Variants in TBC1D22A observed in about 807,000 individuals in gnomAD.
TBC1D22A encodes putative GTPase activator.
Under a neutral mutation model 60.2 loss-of-function variants are expected in TBC1D22A, and 38 were observed. That is an observed-to-expected ratio of 0.63 (90% CI 0.49 to 0.83). The LOEUF is 0.83. Ranked by LOEUF, TBC1D22A falls within the 40% of genes least tolerant of loss-of-function variation. The probability of loss-of-function intolerance (pLI) is 0.00; values close to 1 mark genes in which losing one functional copy is unlikely to be tolerated. For missense variants in TBC1D22A, 628 were observed against 701.0 expected, an observed-to-expected ratio of 0.90 and a Z score of 1.18; for synonymous variants, 302 against 281.7, an observed-to-expected ratio of 1.07 and a Z score of -0.72.
At chr22:47,043,718 T>C (rs1159763554) in intron 11 of TBC1D22A, among the ~76,000 whole-genome samples, 1 of 152,040 alleles carries the variant, frequency 6.6e-6, no homozygotes, top group Non-Finnish European at 1.5e-5. Context: ...CCATAGGGCA[T>C]AGAGCAGGTG....
intron 12 of TBC1D22A, among the ~76,000 whole-genome samples, chr22:47,125,730 CAA>C (rs2066428870): frequency 6.6e-6 from 1 of 152,226 alleles, no homozygotes; most frequent in African/African-American, 2.4e-5. Flanking sequence ...GGCCACTCTG[CAA>C]GAACTTCCCA....
chr22:46,857,691 A>C (rs1225206558), intron 4 of TBC1D22A, among the ~76,000 whole-genome samples: 1 of 151,642 alleles, frequency 6.6e-6, no homozygotes, highest in Non-Finnish European at 1.5e-5. Flanking sequence ...GGCAACCAGG[A>C]ATCTGCTTTC....
intron 4 of TBC1D22A, among the ~76,000 whole-genome samples, chr22:46,829,709 G>A (rs11913536): frequency 0.31 from 46,498 of 152,104 alleles, 7,262 homozygotes; most frequent in South Asian, 0.44. Flanking sequence ...TGGGGCCAGC[G>A]GCGTTTCTAT....
chr22:47,141,827 A>G (rs1358125817), intron 12 of TBC1D22A, among the ~76,000 whole-genome samples: 1 of 152,270 alleles, frequency 6.6e-6, no homozygotes, highest in Admixed American at 6.5e-5. Flanking sequence ...TAAACACTAC[A>G]GTTTTTTAAT....
chr22:47,065,668 G>A (rs1453809784), intron 11 of TBC1D22A, among the ~76,000 whole-genome samples: 4 of 44,436 alleles, frequency 9.0e-5, no homozygotes, highest in Non-Finnish European at 1.5e-4. Flanking sequence ...GGAGACCTGC[G>A]TGAGTCACAT....
At chr22:47,136,634 A>G (rs1255299344) in intron 12 of TBC1D22A, among the ~76,000 whole-genome samples, 1 of 149,980 alleles carries the variant, frequency 6.7e-6, no homozygotes, top group East Asian at 2.0e-4. Context: ...GAGCCCGGGC[A>G]ATCAGGGGTC....
chr22:47,089,282 GA>G (rs2064822307), intron 11 of TBC1D22A, among the ~76,000 whole-genome samples: 1 of 152,216 alleles, frequency 6.6e-6, no homozygotes, highest in South Asian at 2.1e-4. Flanking sequence ...TTGTCTCTGA[GA>G]GAAGCTGTGA....
chr22:47,026,766 C>G (rs2062270412), intron 10 of TBC1D22A, among the ~76,000 whole-genome samples: 1 of 152,148 alleles, frequency 6.6e-6, no homozygotes, highest in African/African-American at 2.4e-5. Flanking sequence ...ATGACCTAAT[C>G]ATGTTCAGAG....
intron 8 of TBC1D22A, among the ~76,000 whole-genome samples, chr22:46,951,677 G>A (rs189856067): frequency 1.4e-4 from 21 of 152,366 alleles, no homozygotes; most frequent in Admixed American, 7.8e-4. Context: ...TAAAGTGGAC[G>A]AGTGTCTCAG....
chr22:47,130,450 A>G (rs1010063614), intron 12 of TBC1D22A, among the ~76,000 whole-genome samples: 1 of 152,148 alleles, frequency 6.6e-6, no homozygotes, highest in Admixed American at 6.5e-5. Context: ...CTTGAGATCT[A>G]CATGTCTGGA....
rs2067305580 is a variant in TBC1D22A, at chr22:47,146,927, A to C, written c.1426-26571A>C. Among the ~76,000 whole-genome samples, 3 of 152,220 alleles carry C rather than the reference A, an allele frequency of 2.0e-5. No homozygotes were observed. In the South Asian group the frequency reaches 6.2e-4, roughly 32 times the overall value. ...TTTGGATGACACACATTCATTCATT[A>C]ATTCACCCGTTCATTTGAAAAATAC... On this transcript the variant is annotated intron_variant, in intron 12 of 12. Coordinates refer to ENST00000337137, the MANE Select transcript of TBC1D22A (RefSeq NM_014346.5).
chr22:46,807,569 G>A (rs1271554789), intron 4 of TBC1D22A, among the ~76,000 whole-genome samples: 1 of 152,164 alleles, frequency 6.6e-6, no homozygotes, highest in Non-Finnish European at 1.5e-5. Context: ...AGTGACCAGT[G>A]TTTATCCAGC....
At chr22:46,794,389 C>T (rs1005858041) in intron 3 of TBC1D22A, among the ~76,000 whole-genome samples, 5 of 152,222 alleles carry the variant, frequency 3.3e-5, no homozygotes, top group East Asian at 1.9e-4. Context: ...CTGACCCCCT[C>T]GGGTGGGGTC....
At position 47,133,313 on chromosome 22, in the gene TBC1D22A, C is replaced by T. The variant is rs193055756; in HGVS notation, c.1425+21710C>T. ...CCATGTTTTTATAAGGAAAAATAGA[C>T]GTAGTGTGGAGTCTGGCTGCATTTT... On this transcript the variant is annotated intron_variant, in intron 12 of 12. Transcript: ENST00000337137. 2.7e-3 allele frequency among the ~76,000 whole-genome samples: 412 copies of T among 152,224 alleles called. 4 individuals are homozygous for T. The highest frequency in any genetic ancestry group is 8.5e-4 in the Non-Finnish European group (58 of 68,024).
chr22:46,803,465 C>T (rs766378005), intron 4 of TBC1D22A, among the ~76,000 whole-genome samples: 6 of 152,144 alleles, frequency 3.9e-5, no homozygotes, highest in Non-Finnish European at 8.8e-5. Flanking sequence ...TGGGGCCCGG[C>T]CCCCAGGAGC....
chr22:46,946,892 T>G (rs2072581562), intron 8 of TBC1D22A, among the ~76,000 whole-genome samples: 2 of 152,206 alleles, frequency 1.3e-5, no homozygotes, highest in Admixed American at 1.3e-4. Flanking sequence ...GTTGGCATTT[T>G]ATGTCTCCAG....
chr22:46,941,403 A>ACG (rs1402396413), intron 8 of TBC1D22A, among the ~76,000 whole-genome samples: 8 of 112,458 alleles, frequency 7.1e-5, no homozygotes, highest in African/African-American at 1.1e-4. Context: ...ATATATACAC[A>ACG]GAATATATAT....
rs568921834 is a variant in TBC1D22A at position 47,091,631 on chromosome 22, T to G, written c.1330-19877T>G. On this transcript the variant is annotated intron_variant, in intron 11 of 12. Coordinates refer to ENST00000337137, the MANE Select transcript of TBC1D22A (RefSeq NM_014346.5). ...TTTCGGGGAGTGGCCTCGCTGAGCT[T>G]CTTCTCAGGTCCTGTGCACCTGGCA... is the stretch of plus-strand genomic sequence containing the variant. Among the ~76,000 whole-genome samples, 55 of 152,218 alleles carry G rather than the reference T, an allele frequency of 3.6e-4. 1 individual carries two copies. The South Asian group carries it at 0.011, about 29-fold the overall frequency.
At position 46,865,246 on chromosome 22, in the gene TBC1D22A, G is replaced by A. The variant is rs944534606; in HGVS notation, c.638-13407G>A. ...CTGCATCTCCACCCTCTGGATGGGT[G>A]CACCATACTAAGCTCTTGCAGTGAC... On this transcript the variant is annotated intron_variant, in intron 4 of 12. Transcript: ENST00000337137. Among the ~76,000 whole-genome samples the A allele has an allele frequency of 1.3e-5, 2 of 152,208 alleles. 1 individual carries two copies. Among genetic ancestry groups the A allele is most frequent in the Non-Finnish European group, 2.9e-5 (2 of 68,036 alleles).
Sources: allele counts gnomAD v4.1 joint callset (sites outside exome capture counted in the v4.1 genomes callset), GRCh38; gene constraint gnomAD v4.1.1; transcripts MANE v1.5; gene names NCBI Gene and HGNC (gene_info 2026-07-23, HGNC 2026-07-21).